KCTD21: variants seen among roughly 807,000 people sequenced by gnomAD.
KCTD21 encodes the protein BTB/POZ domain-containing protein KCTD21.
A neutral mutation model predicts 13.2 loss-of-function variants in KCTD21; 9 were observed. That is an observed-to-expected ratio of 0.68 (90% CI 0.41 to 1.19). The LOEUF (loss-of-function observed/expected upper bound fraction) is 1.19, where lower values mean the gene tolerates loss of function less well. Ranked by LOEUF, KCTD21 falls within the 50% of genes most tolerant of loss-of-function variation. KCTD21 has a pLI of 0.01. For missense variants in KCTD21, 303 were observed against 336.5 expected (o/e 0.90, Z 0.78); for synonymous variants, 142 against 137.4 (o/e 1.03, Z -0.23).
At chr11:78,186,631 GT>G in intron 1 of KCTD21, 3 of 897,812 alleles carry the variant, frequency 3.3e-6, no homozygotes, top group Non-Finnish European at 4.0e-6. Flanking sequence ...CTCTATACAT[GT>G]TAATCTCTTT....
At position 78,173,775 on chromosome 11, in the gene KCTD21, C is replaced by A; in HGVS notation, c.780G>T (p.Arg260Ser). ...CTCCAGTGTTGTTGGGGTCCTTTTA[C>A]CTGTACCGTATTAATCGAATAATCT... The part of the protein sequence containing the change: ...NNKIIRLIRY[R>S] The change falls in exon 2 of 2, where the codon AGG becomes AGT. Residue 260 changes from arginine (R) to serine (S), a missense_variant. Arg to Ser is a moderately radical substitution (Grantham distance 110). Coordinates refer to ENST00000340067, the MANE Select transcript of KCTD21 (RefSeq NM_001029859.3). 6.2e-7 allele frequency: 1 copy of A among 1,606,506 alleles called. No individual in the cohort carries two copies.
chr11:78,174,362 T>A lies in KCTD21; in HGVS notation c.193A>T (p.Thr65Ser). Residue 65 changes from threonine (T) to serine (S), a missense_variant, in exon 2 of 2, where the codon ACC (threonine) becomes TCC (serine). By Grantham distance (58) the Thr-to-Ser change is moderately conservative. Coordinates refer to ENST00000340067, the MANE Select transcript of KCTD21 (RefSeq NM_001029859.3). ...VFRYILNFLR[T>S]SHLDLPEDFQ... ...TCCTCAGGCAGGTCAAGGTGGGAGG[T>A]CCGCAGGAAGTTGAGGATATAGCGG... 1 of 1,613,110 alleles carries A rather than the reference T, an allele frequency of 6.2e-7. No homozygotes were observed. Among genetic ancestry groups the A allele is most frequent in the Non-Finnish European group, 8.5e-7 (1 of 1,179,864 alleles).
In KCTD21 at chr11:78,174,411, G is replaced by A. The variant is rs1442136525; in HGVS notation, c.144C>T (p.Phe48=). The A allele has an allele frequency of 1.2e-6, 2 of 1,613,998 alleles. No homozygotes were observed. The highest frequency in any genetic ancestry group is 1.7e-5 in the Admixed American group (1 of 60,008). ...GGAACACTTTGCCGTCACGGTCAAT[G>A]AAGCAGTTGCCCTGGCTGTCCCTCT... is the stretch of plus-strand genomic sequence containing the variant. The part of the protein sequence containing the change: ...PTKRDSQGNC[F]IDRDGKVFRY... Residue 48 remains phenylalanine, a synonymous_variant, in exon 2 of 2, where the codon TTC becomes TTT. Transcript: ENST00000340067.
At position 78,174,826 on chromosome 11, in the gene KCTD21, C is replaced by T; in HGVS notation, c.-29-243G>A. On this transcript the variant is annotated intron_variant, in intron 1 of 1. Coordinates refer to ENST00000340067, the MANE Select transcript of KCTD21 (RefSeq NM_001029859.3). ...AAAGAAAGGGAAGGACCCCTAAAGCCTGGGTCCCCCGCGCCCCCCTCTGCT... is the reference window on the plus strand; with the variant it reads ...AAAGAAAGGGAAGGACCCCTAAAGCTTGGGTCCCCCGCGCCCCCCTCTGCT... The T allele has an allele frequency of 7.9e-6, 3 of 377,556 alleles. No homozygotes were observed. In the Admixed American group the frequency reaches 1.3e-4, roughly 16 times the overall value. The allele number at this position is 377,556 out of a possible 1,614,324, so 23.4% of individuals were successfully genotyped here. A position where few individuals can be genotyped will look rare whatever the true frequency, so the allele number is the denominator to read the frequency against.
chr11:78,185,286 T>G (rs1438119961), intron 1 of KCTD21, among the ~76,000 whole-genome samples: 1 of 152,182 alleles, frequency 6.6e-6, no homozygotes, highest in African/African-American at 2.4e-5. Context: ...CTTTAAGCTT[T>G]TATGTAAGCT....
In KCTD21 at chr11:78,187,020, C is replaced by T. The variant is rs888744576; in HGVS notation, c.-30+1553G>A. 8 of 985,282 alleles carry T rather than the reference C, an allele frequency of 8.1e-6. No homozygotes were observed. The African/African-American group carries it at 8.7e-5, about 11-fold the overall frequency. The allele number at this position is 985,282 out of a possible 1,614,324, so 61.0% of individuals were successfully genotyped here. Reference sequence around the variant, plus strand: ...TTCAAAACTTTTTAATTTTGAAATGCTCTGTTCAATTTTCAATCTGGAATC... The same window carrying T: ...TTCAAAACTTTTTAATTTTGAAATGTTCTGTTCAATTTTCAATCTGGAATC... On this transcript the variant is annotated intron_variant, in intron 1 of 1. Transcript: ENST00000340067.
chr11:78,182,618 A>G (rs896593093), intron 1 of KCTD21, among the ~76,000 whole-genome samples: 1 of 152,178 alleles, frequency 6.6e-6, no homozygotes, highest in African/African-American at 2.4e-5. Context: ...CCCAGGCAGG[A>G]CCGATTACAT....
In KCTD21 at chr11:78,188,599, C is replaced by T. The variant is rs563016795; in HGVS notation, c.-56G>A. ...TCCTGCCCTCGCTCTGCAGCCTCTC[C>T]CTCCGCGAGCGGCCAGCGCAGCTTT... is the stretch of plus-strand genomic sequence containing the variant. On this transcript the variant is annotated 5_prime_UTR_variant, in exon 1 of 2. Transcript: ENST00000340067. 61 of 985,544 alleles carry T rather than the reference C, an allele frequency of 6.2e-5. No homozygotes were observed. The African/African-American group carries it at 7.3e-4, about 12-fold the overall frequency. 61.0% of individuals were successfully genotyped at this position (985,544 alleles called of 1,614,324 possible).
At chr11:78,185,883 C>T (rs1260986075) in intron 1 of KCTD21, among the ~76,000 whole-genome samples, 6 of 152,046 alleles carry the variant, frequency 3.9e-5, no homozygotes, top group South Asian at 2.1e-4. Context: ...TGAGCCACCG[C>T]GCCCGGCCAG....
intron 1 of KCTD21, chr11:78,187,328 A>G: frequency 6.1e-6 from 6 of 985,290 alleles, no homozygotes; most frequent in East Asian, 1.1e-4. Context: ...TGCCCAGTCC[A>G]TATCTCTAAG....
At position 78,183,147 on chromosome 11, in the gene KCTD21, G is replaced by A. The variant is rs74737688; in HGVS notation, c.-30+5426C>T. Among the ~76,000 whole-genome samples the A allele has an allele frequency of 1.5e-3, 226 of 152,274 alleles. 2 individuals carry two copies. The East Asian group carries it at 0.032, about 21-fold the overall frequency. On this transcript the variant is annotated intron_variant, in intron 1 of 1. Coordinates refer to ENST00000340067, the MANE Select transcript of KCTD21 (RefSeq NM_001029859.3). The stretch of plus-strand genomic sequence containing the variant: ...TCATCATCTCTTCTAAAAGAAACCA[G>A]GGCTTCCTGGAGAAACTGATGATTC...
Position 78,174,471 on chromosome 11 carries a change from C to A in KCTD21, c.84G>T (p.Met28Ile). ...TCTTCCCGCTGAACATGGCGCCTAG[C>A]ATGGAGTCAGGGAAGCTGGTCAGGG... ...LATLTSFPDS[M>I]LGAMFSGKMP... Residue 28 changes from methionine to isoleucine, a missense_variant, in exon 2 of 2, where the codon ATG becomes ATT. Physicochemically the swap from Met to Ile is conservative, Grantham distance 10 (BLOSUM62 1). Transcript: ENST00000340067. 1 of 1,614,108 alleles carries A rather than the reference C, an allele frequency of 6.2e-7. No individual in the cohort carries two copies. Among genetic ancestry groups the A allele is most frequent in the Non-Finnish European group, 8.5e-7 (1 of 1,180,006 alleles).
chr11:78,178,309 T>A (rs540547913), intron 1 of KCTD21, among the ~76,000 whole-genome samples: 79 of 152,194 alleles, frequency 5.2e-4, no homozygotes, highest in African/African-American at 1.8e-3. Context: ...TTTGTATTTT[T>A]AGTAGAGATG....
At chr11:78,175,738 T>A (rs1404922025) in intron 1 of KCTD21, among the ~76,000 whole-genome samples, 2 of 152,204 alleles carry the variant, frequency 1.3e-5, no homozygotes, top group Non-Finnish European at 2.9e-5. Context: ...TAAATTTTTT[T>A]AAATTTTATT....
In KCTD21 at chr11:78,173,424, C is replaced by T. The variant is rs1406951839; in HGVS notation, c.*348G>A. The T allele has an allele frequency of 4.5e-5, 9 of 201,634 alleles. No homozygotes were observed. Among genetic ancestry groups the T allele is most frequent in the Admixed American group, 1.6e-4 (3 of 19,116 alleles). 12.5% of individuals were successfully genotyped at this position (201,634 alleles called of 1,614,324 possible). On this transcript the variant is annotated 3_prime_UTR_variant, in exon 2 of 2. Coordinates refer to ENST00000340067, the MANE Select transcript of KCTD21 (RefSeq NM_001029859.3). ...GGGCCTTCTTACAGATGGATAAATGCGGCACTGGCTAGCGGTACAGAGAGA... is the reference window on the plus strand; with the variant it reads ...GGGCCTTCTTACAGATGGATAAATGTGGCACTGGCTAGCGGTACAGAGAGA...
chr11:78,174,510 T>G lies in KCTD21; in HGVS notation c.45A>C (p.Thr15=), dbSNP rs746009178. 13 of 1,613,636 alleles carry G rather than the reference T, an allele frequency of 8.1e-6. No individual in the cohort carries two copies. In the Admixed American group the frequency reaches 1.2e-4, roughly 15 times the overall value. Residue 15 remains threonine, a synonymous_variant, in exon 2 of 2, where the codon ACA becomes ACC. Coordinates refer to ENST00000340067, the MANE Select transcript of KCTD21 (RefSeq NM_001029859.3). The part of the protein sequence containing the change: ...ITLNVGGKLY[T]TSLATLTSFP... The stretch of plus-strand genomic sequence containing the variant: ...AGCTGGTCAGGGTCGCCAGTGAGGT[T>G]GTATAGAGCTTCCCCCCGACGTTCA...
chr11:78,179,957 C>T (rs1259702587), intron 1 of KCTD21, among the ~76,000 whole-genome samples: 3 of 152,178 alleles, frequency 2.0e-5, no homozygotes, highest in African/African-American at 7.2e-5. Flanking sequence ...ATCTCCTTTG[C>T]ACATGGCCCT....
At chr11:78,187,233 C>G in intron 1 of KCTD21, 2 of 985,308 alleles carry the variant, frequency 2.0e-6, no homozygotes, top group Non-Finnish European at 2.4e-6. Context: ...GACTCTTTGC[C>G]TTGAAGCCCC....
chr11:78,174,442 G>A lies in KCTD21; in HGVS notation c.113C>T (p.Pro38Leu). The change falls in exon 2 of 2, where the codon CCC (proline) becomes CTC (leucine). Residue 38 changes from proline (P) to leucine (L), a missense_variant. Coordinates refer to ENST00000340067, the MANE Select transcript of KCTD21 (RefSeq NM_001029859.3). ...MLGAMFSGKM[P>L]TKRDSQGNCF... ...GTTGCCCTGGCTGTCCCTCTTGGTG[G>A]GCATCTTCCCGCTGAACATGGCGCC... The A allele has an allele frequency of 1.2e-6, 2 of 1,614,084 alleles. No individual in the cohort carries two copies. The highest frequency in any genetic ancestry group is 1.7e-6 in the Non-Finnish European group (2 of 1,180,018).
Sources: gnomAD v4.1 joint callset for allele counts (sites outside exome capture counted in the v4.1 genomes callset) on GRCh38, gnomAD v4.1.1 for gene constraint, MANE v1.5 for transcripts, NCBI Gene and HGNC (gene_info 2026-07-23, HGNC 2026-07-21) for gene names.